Variants in SLBP observed in about 807,000 individuals in gnomAD.
SLBP encodes the protein histone RNA hairpin-binding protein.
In SLBP, 29 loss-of-function variants were observed where a neutral mutation model predicts 39.2. The ratio of observed to expected loss-of-function variants is 0.74; its 90% CI spans 0.55 to 1.01. The LOEUF (loss-of-function observed/expected upper bound fraction) is 1.01. Ranked by LOEUF, SLBP falls within the 50% of genes least tolerant of loss-of-function variation. The pLI is 0.00. For missense variants in SLBP, 390 were observed against 350.2 expected, an observed-to-expected ratio of 1.11 and a Z score of -0.91; for synonymous variants, 129 against 118.7, an observed-to-expected ratio of 1.09 and a Z score of -0.57.
At chr4:1,710,708 A>G (rs1174065183) in intron 2 of SLBP, among the ~76,000 whole-genome samples, 1 of 152,082 alleles carries the variant, frequency 6.6e-6, no homozygotes, top group East Asian at 1.9e-4. Flanking sequence ...TCACCCGTGG[A>G]GATATTTAAT....
chr4:1,708,643 C>T (rs1716614650), intron 2 of SLBP, among the ~76,000 whole-genome samples: 1 of 152,202 alleles, frequency 6.6e-6, no homozygotes, highest in African/African-American at 2.4e-5. Flanking sequence ...CCATATACTA[C>T]ATGCCATATT....
chr4:1,702,620 G>T (rs1716368090), intron 3 of SLBP, among the ~76,000 whole-genome samples: 1 of 152,212 alleles, frequency 6.6e-6, no homozygotes, highest in Non-Finnish European at 1.5e-5. Flanking sequence ...CTGGGTTTGA[G>T]TTAGACAACT....
At chr4:1,708,712 C>T (rs1204562341) in intron 2 of SLBP, among the ~76,000 whole-genome samples, 2 of 152,230 alleles carry the variant, frequency 1.3e-5, no homozygotes, top group Non-Finnish European at 1.5e-5. Flanking sequence ...TCTACCCTAT[C>T]TTGGGACAAC....
At chr4:1,704,333 C>G (rs1716439824) in intron 2 of SLBP, among the ~76,000 whole-genome samples, 1 of 152,084 alleles carries the variant, frequency 6.6e-6, no homozygotes. Context: ...ATGGGTTAAC[C>G]TTATCTCATT....
At chr4:1,696,429 A>G in intron 5 of SLBP, 78 bp from the exon 6 acceptor site, 1 of 1,205,618 alleles carries the variant, frequency 8.3e-7, no homozygotes, top group South Asian at 1.7e-5. Context: ...TAACCAAACT[A>G]TGAGATTAGT....
In SLBP at chr4:1,696,305, TA is replaced by T. The variant is rs758904208; in HGVS notation, c.525del (p.Phe175LeufsTer39). The T allele has an allele frequency of 1.1e-5, 17 of 1,600,944 alleles. No homozygotes were observed. The highest frequency in any genetic ancestry group is 2.6e-6 in the Non-Finnish European group (3 of 1,174,450). Reference protein sequence around the residue: ...PGIHPKTPNKFKKYSRRSWDQ... With the variant: ...PGIHPKTPNKXKKYSRRSWDQ... Reference sequence around the variant, plus strand: ...TCCCATGAACGTCGACTATACTTCTTAAATTTATTAGGGGTCTTGGGATGAA... The same window carrying T: ...TCCCATGAACGTCGACTATACTTCTTAATTTATTAGGGGTCTTGGGATGAA... On this transcript the variant is annotated frameshift_variant, in exon 6 of 8. Transcript: ENST00000489418. LOFTEE classifies it high-confidence loss of function.
intron 4 of SLBP, 72 bp downstream of exon 4, chr4:1,699,939 A>T: frequency 9.2e-7 from 1 of 1,081,864 alleles, no homozygotes; most frequent in Non-Finnish European, 1.4e-6. Context: ...CATTTCTGAC[A>T]GTCACAATTT....
At chr4:1,696,812 G>A (rs1335169955) in intron 5 of SLBP, among the ~76,000 whole-genome samples, 5 of 151,124 alleles carry the variant, frequency 3.3e-5, no homozygotes, top group East Asian at 2.0e-4. Context: ...GAGGAGGATC[G>A]CCTGAACCCG....
At chr4:1,697,785 G>A (rs13148263) in intron 5 of SLBP, among the ~76,000 whole-genome samples, 47,387 of 151,638 alleles carry the variant, frequency 0.31, 8,491 homozygotes, top group East Asian at 0.69. Context: ...CGGAGGTTGC[G>A]GTGAGCCAAG....
intron 2 of SLBP, among the ~76,000 whole-genome samples, chr4:1,707,415 A>G (rs1287187047): frequency 6.6e-6 from 1 of 151,246 alleles, no homozygotes; most frequent in African/African-American, 2.4e-5. Context: ...CTAAGGCAGG[A>G]GAATCACTTG....
chr4:1,696,417 A>AT (rs1380538301), intron 5 of SLBP, 66 bp from the exon 6 acceptor site: 16 of 1,320,292 alleles, frequency 1.2e-5, no homozygotes, highest in Non-Finnish European at 1.4e-5. Flanking sequence ...TAGCCTGAAG[A>AT]TTAACCAAAC....
intron 2 of SLBP, among the ~76,000 whole-genome samples, chr4:1,711,156 T>C (rs1373986495): frequency 2.6e-5 from 4 of 151,754 alleles, no homozygotes; most frequent in Non-Finnish European, 5.9e-5. Context: ...GGGTCCGATT[T>C]TTTTTTTTCC....
chr4:1,702,916 C>T (rs798724), intron 3 of SLBP, among the ~76,000 whole-genome samples: 106,464 of 151,930 alleles, frequency 0.7, 38,761 homozygotes, highest in East Asian at 0.86. Context: ...GAGCACCGCA[C>T]ACAGAAGGTC....
At position 1,701,911 on chromosome 4, in the gene SLBP, A is replaced by G. The variant is rs1716343664; in HGVS notation, c.281+1685T>C. 2.0e-5 allele frequency among the ~76,000 whole-genome samples: 3 copies of G among 152,316 alleles called. No homozygotes were observed. In the South Asian group the frequency reaches 6.2e-4, roughly 32 times the overall value. On this transcript the variant is annotated intron_variant, in intron 3 of 7. Transcript: ENST00000489418. ...AACAGAGCAAGACTCCATCTCAAAA[A>G]AATAAGTAAGTAAATAAAAGCCGTA...
rs1265245414 is a variant in SLBP, at chr4:1,699,550, T to C, written c.479+14A>G. 1.9e-6 allele frequency: 3 copies of C among 1,613,666 alleles called. No homozygotes were observed. The highest frequency in any genetic ancestry group is 1.3e-5 in the African/African-American group (1 of 74,930). Reference sequence around the variant, plus strand: ...ACACAGCTTGTTCAAGACATGCCACTGAAACAAGACTACCTTGGGACTTCT... The same window carrying C: ...ACACAGCTTGTTCAAGACATGCCACCGAAACAAGACTACCTTGGGACTTCT... On this transcript the variant is annotated intron_variant, in intron 5 of 7. Transcript: ENST00000489418.
chr4:1,700,775 G>C (rs998063642), intron 3 of SLBP, among the ~76,000 whole-genome samples: 1 of 152,046 alleles, frequency 6.6e-6, no homozygotes, highest in African/African-American at 2.4e-5. Context: ...GTGTTGCCCA[G>C]GCTGCTCTTG....
chr4:1,710,095 T>A (rs1487851967), intron 2 of SLBP, among the ~76,000 whole-genome samples: 1 of 151,790 alleles, frequency 6.6e-6, no homozygotes, highest in Non-Finnish European at 1.5e-5. Context: ...GTCAGGCTGG[T>A]GTCGAACTCC....
At chr4:1,707,964 A>G (rs1716584531) in intron 2 of SLBP, among the ~76,000 whole-genome samples, 1 of 152,016 alleles carries the variant, frequency 6.6e-6, no homozygotes, top group African/African-American at 2.4e-5. Context: ...CTGTAATCTC[A>G]GCTACTCAGG....
At chr4:1,706,205 G>C (rs1252310037) in intron 2 of SLBP, among the ~76,000 whole-genome samples, 1 of 152,114 alleles carries the variant, frequency 6.6e-6, no homozygotes, top group African/African-American at 2.4e-5. Flanking sequence ...AGAACTGCTT[G>C]AACCCCAGAG....
Sources: gnomAD v4.1 joint callset for allele counts (sites outside exome capture counted in the v4.1 genomes callset) on GRCh38, gnomAD v4.1.1 for gene constraint, MANE v1.5 for transcripts, NCBI Gene and HGNC (gene_info 2026-07-23, HGNC 2026-07-21) for gene names.